Variants in LARGE1 observed in about 807,000 individuals in gnomAD.
LARGE1 encodes the protein LARGE xylosyl- and glucuronyltransferase 1, also known as xylosyl- and glucuronyltransferase LARGE1.
In LARGE1, 43 loss-of-function variants were observed where a neutral mutation model predicts 87.6. That is an observed-to-expected ratio of 0.49 (90% confidence interval 0.38 to 0.63). The LOEUF is 0.63. Ranked by LOEUF, LARGE1 falls within the 30% of genes least tolerant of loss-of-function variation. LARGE1 has a pLI of 0.00. For synonymous variants in LARGE1, 434 were observed against 394.6 expected (o/e 1.10, Z -1.18); for missense variants, 802 against 1,000.2 (o/e 0.80, Z 2.67).
rs147911245 is a variant in LARGE1, at chr22:33,474,898, T to C, written c.788-42633A>G. 7.2e-4 allele frequency among the ~76,000 whole-genome samples: 110 copies of C among 152,250 alleles called. 1 individual carries two copies. In the East Asian group the frequency reaches 0.012, roughly 16 times the overall value. ...CTGCTCATCTGTAATCTTGAGGCAATTTTGTTCAGGGGATAACTGGCTGAA... is the reference window on the plus strand; with the variant it reads ...CTGCTCATCTGTAATCTTGAGGCAACTTTGTTCAGGGGATAACTGGCTGAA... On this transcript the variant is annotated intron_variant, in intron 6 of 14. Coordinates refer to ENST00000397394, the MANE Select transcript of LARGE1 (RefSeq NM_133642.5).
intron 1 of LARGE1, among the ~76,000 whole-genome samples, chr22:33,796,725 A>G (rs2146033537): frequency 7.0e-6 from 1 of 142,292 alleles, no homozygotes; most frequent in African/African-American, 2.6e-5. Flanking sequence ...GTGGAGGAGG[A>G]GGGGAGATTT....
chr22:33,703,173 A>C (rs941819757), intron 2 of LARGE1, among the ~76,000 whole-genome samples: 2 of 152,112 alleles, frequency 1.3e-5, no homozygotes, highest in African/African-American at 4.8e-5. Context: ...GGGGAACATC[A>C]CACACCAGGG....
intron 5 of LARGE1, among the ~76,000 whole-genome samples, chr22:33,574,686 TTGTGTGTGTG>T (rs3986017): frequency 0.12 from 17,857 of 143,818 alleles, 1,244 homozygotes; most frequent in Admixed American, 0.22. Context: ...ATATAAACAA[TTGTGTGTGTG>T]TGTGTGTGTG....
intron 6 of LARGE1, among the ~76,000 whole-genome samples, chr22:33,557,360 G>A (rs77744247): frequency 0.017 from 2,661 of 152,250 alleles, 42 homozygotes; most frequent in Admixed American, 0.027. Flanking sequence ...AAATCAAAGC[G>A]CTAGTTTCTG....
At chr22:33,111,736 G>C in the LARGE1 span, among the ~76,000 whole-genome samples, 1 of 152,322 alleles carries the variant, frequency 6.6e-6, no homozygotes, top group African/African-American at 2.4e-5. Context: ...GTTGCTTGAG[G>C]TCAGCTCCCT....
At chr22:33,176,779 G>A (rs1431128168) in intron 11 of LARGE1, among the ~76,000 whole-genome samples, 2 of 152,098 alleles carry the variant, frequency 1.3e-5, no homozygotes, top group African/African-American at 4.8e-5. Context: ...ATTAGAAATA[G>A]CATTTGATCC....
rs1022994341 is a variant in LARGE1, at chr22:33,329,300, A to T, written c.1287+8346T>A. Among the ~76,000 whole-genome samples, 4 of 125,154 alleles carry T rather than the reference A, an allele frequency of 3.2e-5. No individual in the cohort carries two copies. The Admixed American group carries it at 3.3e-4, about 10-fold the overall frequency. 82.1% of individuals were successfully genotyped at this position (125,154 alleles called of 152,430 possible). ...CAATTCCATATACATTCAAAAATTC[A>T]TTGGTGTCCAGTGTATTTTTTTTTT... On this transcript the variant is annotated intron_variant, in intron 10 of 14. Coordinates refer to ENST00000397394, the MANE Select transcript of LARGE1 (RefSeq NM_133642.5).
At chr22:33,760,918 C>CA (rs1418636042) in intron 2 of LARGE1, among the ~76,000 whole-genome samples, 1 of 151,624 alleles carries the variant, frequency 6.6e-6, no homozygotes, top group African/African-American at 2.4e-5. Flanking sequence ...GACTCCGTCT[C>CA]AAAAAAACCA....
At chr22:33,591,071 G>C (rs2148918160) in intron 5 of LARGE1, among the ~76,000 whole-genome samples, 1 of 152,220 alleles carries the variant, frequency 6.6e-6, no homozygotes, top group Non-Finnish European at 1.5e-5. Context: ...CGTGGTGGTG[G>C]GTGCCTGTAA....
At chr22:33,400,574 A>G (rs1316712167) in intron 7 of LARGE1, among the ~76,000 whole-genome samples, 1 of 152,228 alleles carries the variant, frequency 6.6e-6, no homozygotes, top group Non-Finnish European at 1.5e-5. Context: ...TTCACGGCAC[A>G]CGATGATGTC....
chr22:33,290,164 C>T (rs1273994537), intron 12 of LARGE1, among the ~76,000 whole-genome samples: 1 of 152,168 alleles, frequency 6.6e-6, no homozygotes, highest in Non-Finnish European at 1.5e-5. Flanking sequence ...TACACACCTC[C>T]CTCCCTCCAT....
intron 11 of LARGE1, among the ~76,000 whole-genome samples, chr22:33,218,410 G>A (rs1000871168): frequency 2.0e-5 from 3 of 152,080 alleles, no homozygotes; most frequent in Admixed American, 6.5e-5. Context: ...TACCTTGCAT[G>A]CACAAATACT....
At chr22:33,082,502 C>T in the LARGE1 span, among the ~76,000 whole-genome samples, 3 of 152,174 alleles carry the variant, frequency 2.0e-5, no homozygotes, top group Non-Finnish European at 4.4e-5. Context: ...AGCTGCTTGA[C>T]ATCTGCTATT....
At chr22:33,514,637 A>G (rs977427254) in intron 6 of LARGE1, among the ~76,000 whole-genome samples, 12 of 152,272 alleles carry the variant, frequency 7.9e-5, no homozygotes, top group African/African-American at 2.6e-4. Flanking sequence ...GAACTTGAGC[A>G]TTGCTACATT....
At chr22:33,620,189 C>T (rs1158186507) in intron 4 of LARGE1, among the ~76,000 whole-genome samples, 1 of 152,204 alleles carries the variant, frequency 6.6e-6, no homozygotes, top group Non-Finnish European at 1.5e-5. Context: ...AAACCAAAAA[C>T]AACTACTTGA....
At chr22:33,600,742 A>ACTCGGTTAAGAACTGTGGC (rs1160060064) in intron 5 of LARGE1, among the ~76,000 whole-genome samples, 1 of 152,086 alleles carries the variant, frequency 6.6e-6, no homozygotes, top group Non-Finnish European at 1.5e-5. Context: ...GAGAGATGTG[A>ACTCGGTTAAGAACTGTGGC]CTCGGTTAAG....
Position 33,668,184 on chromosome 22 carries a change from T to C in LARGE1, c.107-17516A>G, listed in dbSNP as rs533421891. 1.1e-4 allele frequency among the ~76,000 whole-genome samples: 16 copies of C among 152,360 alleles called. 1 individual carries two copies. The South Asian group carries it at 2.7e-3, about 26-fold the overall frequency. On this transcript the variant is annotated intron_variant, in intron 2 of 14. Transcript: ENST00000397394. ...TATTTGTTAATTATAGGTAAAGATA[T>C]GCTATAATAAGCTTGATGAAACTGA...
rs549430470 is a variant in LARGE1 at position 33,708,588 on chromosome 22, G to T, written c.106+52783C>A. On this transcript the variant is annotated intron_variant, in intron 2 of 14. Coordinates refer to ENST00000397394, the MANE Select transcript of LARGE1 (RefSeq NM_133642.5). ...TTGGAAGTCTGATATCAAAGTGTTG[G>T]CAGGGTTTGTTTCTTCTTTTTTGTG... Among the ~76,000 whole-genome samples, 20 of 152,148 alleles carry T rather than the reference G, an allele frequency of 1.3e-4. 1 individual carries two copies. The highest frequency in any genetic ancestry group is 2.8e-4 in the Non-Finnish European group (19 of 67,980).
At chr22:33,324,164 G>A (rs1038093663) in intron 10 of LARGE1, among the ~76,000 whole-genome samples, 1 of 140,690 alleles carries the variant, frequency 7.1e-6, no homozygotes, top group African/African-American at 2.6e-5. Flanking sequence ...AGGAGGTGGA[G>A]GTTGCAGTAA....
Sources: allele counts gnomAD v4.1 joint callset (sites outside exome capture counted in the v4.1 genomes callset), GRCh38; gene constraint gnomAD v4.1.1; transcripts MANE v1.5; gene names NCBI Gene and HGNC (gene_info 2026-07-23, HGNC 2026-07-21).